The following AGBL4 variants were observed in gnomAD, a reference collection of about 807,000 sequenced individuals.
The protein encoded by AGBL4 is AGBL carboxypeptidase 4, also known as cytosolic carboxypeptidase 6.
AGBL4 carries 58 observed loss-of-function variants against 66.4 expected under a neutral mutation model. That is an observed-to-expected ratio of 0.87 (90% CI 0.71 to 1.09). AGBL4 has a LOEUF of 1.09. Among genes scored for constraint, AGBL4 ranks in the 50% least tolerant of loss-of-function variants. The pLI, the probability that AGBL4 is intolerant of heterozygous loss-of-function variation, is 0.00. For synonymous variants in AGBL4, 234 were observed against 222.9 expected (o/e 1.05, Z -0.44); for missense variants, 579 against 631.0 (o/e 0.92, Z 0.88).
At chr1:49,141,860 C>G (rs1427670728) in intron 4 of AGBL4, among the ~76,000 whole-genome samples, 1 of 152,124 alleles carries the variant, frequency 6.6e-6, no homozygotes, top group Non-Finnish European at 1.5e-5. Flanking sequence ...TAGAACACTA[C>G]AAAGACTAAA....
At chr1:49,422,466 C>CA (rs1325727301) in intron 3 of AGBL4, among the ~76,000 whole-genome samples, 6 of 152,020 alleles carry the variant, frequency 3.9e-5, no homozygotes, top group African/African-American at 9.7e-5. Context: ...CAACTAGTTT[C>CA]AAAAAATACT....
chr1:49,802,844 G>T (rs556823889), intron 2 of AGBL4, among the ~76,000 whole-genome samples: 47 of 152,036 alleles, frequency 3.1e-4, no homozygotes, highest in Non-Finnish European at 6.0e-4. Context: ...GTGGGCTGCT[G>T]GCCAGATCCC....
chr1:48,828,800 T>G (rs1219770200), intron 6 of AGBL4, among the ~76,000 whole-genome samples: 1 of 152,216 alleles, frequency 6.6e-6, no homozygotes, highest in Non-Finnish European at 1.5e-5. Context: ...ATATTTGAAT[T>G]GTAAGAAAAT....
intron 1 of AGBL4, among the ~76,000 whole-genome samples, chr1:49,962,378 G>A (rs1346886854): frequency 6.6e-6 from 1 of 152,126 alleles, no homozygotes; most frequent in East Asian, 1.9e-4. Flanking sequence ...AGTAACAGCA[G>A]CTTACATCAG....
intron 1 of AGBL4, among the ~76,000 whole-genome samples, chr1:49,942,090 T>C (rs1654817039): frequency 6.6e-6 from 1 of 152,024 alleles, no homozygotes; most frequent in Non-Finnish European, 1.5e-5. Flanking sequence ...AACAAATCAA[T>C]CACATTTATA....
chr1:48,983,970 G>A (rs1007183153), intron 5 of AGBL4, among the ~76,000 whole-genome samples: 2 of 152,096 alleles, frequency 1.3e-5, no homozygotes, highest in African/African-American at 4.8e-5. Flanking sequence ...ACACAGCAAG[G>A]AAGGACTGAG....
chr1:49,528,178 T>C (rs1650816558), intron 3 of AGBL4, among the ~76,000 whole-genome samples: 1 of 151,968 alleles, frequency 6.6e-6, no homozygotes, highest in Non-Finnish European at 1.5e-5. Context: ...ACATTCTGTC[T>C]TGGGCAAGGA....
chr1:49,596,847 C>T (rs1045955937), intron 3 of AGBL4, among the ~76,000 whole-genome samples: 1 of 152,132 alleles, frequency 6.6e-6, no homozygotes, highest in Non-Finnish European at 1.5e-5. Context: ...AATGCTCATG[C>T]TTATTGTGAC....
chr1:49,868,029 T>C (rs983110331), intron 1 of AGBL4, among the ~76,000 whole-genome samples: 14 of 151,948 alleles, frequency 9.2e-5, no homozygotes, highest in African/African-American at 3.4e-4. Flanking sequence ...TCACAATTGC[T>C]ACAAAGAGAA....
intron 3 of AGBL4, among the ~76,000 whole-genome samples, chr1:49,260,632 C>T (rs1262660286): frequency 1.3e-5 from 2 of 152,100 alleles, no homozygotes; most frequent in East Asian, 1.9e-4. Flanking sequence ...TCTGAATAGA[C>T]CAATAACAGG....
intron 1 of AGBL4, among the ~76,000 whole-genome samples, chr1:49,949,999 T>C (rs1655936843): frequency 1.1e-5 from 1 of 87,838 alleles, no homozygotes; most frequent in Non-Finnish European, 2.5e-5. Context: ...TATATATGTG[T>C]ATATATATAT....
At chr1:48,532,350 A>G (rs945557479), downstream of AGBL4, among the ~76,000 whole-genome samples, 1 of 152,250 alleles carries the variant, frequency 6.6e-6, no homozygotes, top group Non-Finnish European at 1.5e-5. Flanking sequence ...AAGATCACAC[A>G]GTTTTATTAA....
chr1:49,706,016 T>C (rs1647207374), intron 2 of AGBL4, among the ~76,000 whole-genome samples: 3 of 152,034 alleles, frequency 2.0e-5, no homozygotes, highest in African/African-American at 7.2e-5. Context: ...TTTTTGTTTT[T>C]TTGTCGTGTC....
chr1:49,736,903 T>C (rs1414162495), intron 2 of AGBL4, among the ~76,000 whole-genome samples: 5 of 151,456 alleles, frequency 3.3e-5, no homozygotes, highest in Admixed American at 3.3e-4. Context: ...CCAACCAACA[T>C]AGGTAAAAAT....
chr1:49,148,294 G>A (rs1406373475), intron 4 of AGBL4, among the ~76,000 whole-genome samples: 1 of 152,108 alleles, frequency 6.6e-6, no homozygotes, highest in Non-Finnish European at 1.5e-5. Context: ...TGGTTTCCAT[G>A]GTAGTCTCCA....
At chr1:49,466,388 G>A (rs1004929090) in intron 3 of AGBL4, among the ~76,000 whole-genome samples, 3 of 151,496 alleles carry the variant, frequency 2.0e-5, no homozygotes, top group African/African-American at 4.8e-5. Context: ...AAAATCCAAC[G>A]GATCAAAATG....
At chr1:48,604,157 C>A (rs1645119490) in intron 9 of AGBL4, among the ~76,000 whole-genome samples, 1 of 151,768 alleles carries the variant, frequency 6.6e-6, no homozygotes, top group Non-Finnish European at 1.5e-5. Flanking sequence ...CAAAACAAAA[C>A]AAAACAAAAC....
intron 3 of AGBL4, among the ~76,000 whole-genome samples, chr1:49,558,240 G>A (rs917684714): frequency 2.0e-5 from 3 of 152,024 alleles, no homozygotes; most frequent in Non-Finnish European, 4.4e-5. Flanking sequence ...CTTGAGAAAA[G>A]TAGAGAAAAA....
intron 3 of AGBL4, among the ~76,000 whole-genome samples, chr1:49,646,981 C>T (rs1375149469): frequency 6.7e-6 from 1 of 150,250 alleles, no homozygotes; most frequent in South Asian, 2.1e-4. Flanking sequence ...AAAAAAAAAT[C>T]AAAAAATACA....
Sources: gnomAD v4.1 joint callset for allele counts (sites outside exome capture counted in the v4.1 genomes callset) on GRCh38, gnomAD v4.1.1 for gene constraint, MANE v1.5 for transcripts, NCBI Gene and HGNC (gene_info 2026-07-23, HGNC 2026-07-21) for gene names.